SLX4IP: variants seen among roughly 807,000 people sequenced by gnomAD.
The protein encoded by SLX4IP is SLX4 interacting protein, also known as protein SLX4IP.
In SLX4IP, 34 loss-of-function variants were observed where a neutral mutation model predicts 32.9. The ratio of observed to expected loss-of-function variants is 1.03; its 90% CI spans 0.79 to 1.38. SLX4IP has a LOEUF of 1.38. SLX4IP is among the 40% of genes most tolerant of loss of function. SLX4IP has a pLI of 0.00. For missense variants in SLX4IP, 444 were observed against 479.0 expected, an observed-to-expected ratio of 0.93 and a Z score of 0.68; for synonymous variants, 172 against 171.7, an observed-to-expected ratio of 1.00 and a Z score of -0.01.
intron 1 of SLX4IP, among the ~76,000 whole-genome samples, chr20:10,443,046 A>T (rs2065171425): frequency 6.6e-6 from 1 of 152,170 alleles, no homozygotes; most frequent in African/African-American, 2.4e-5. Flanking sequence ...TCTTCTGGGT[A>T]TGTGTTTATA....
intron 1 of SLX4IP, among the ~76,000 whole-genome samples, chr20:10,437,452 A>G (rs2065124704): frequency 6.6e-6 from 1 of 152,224 alleles, no homozygotes; most frequent in African/African-American, 2.4e-5. Context: ...ATGAGAAAAC[A>G]GAAACAACTT....
intron 2 of SLX4IP, among the ~76,000 whole-genome samples, chr20:10,470,086 C>G (rs1228931173): frequency 6.6e-6 from 1 of 152,156 alleles, no homozygotes; most frequent in Non-Finnish European, 1.5e-5. Context: ...CCTCTTTGTC[C>G]TTTGAAAGCT....
At chr20:10,535,057 G>T (rs888683992) in intron 2 of SLX4IP, among the ~76,000 whole-genome samples, 6 of 152,128 alleles carry the variant, frequency 3.9e-5, no homozygotes, top group South Asian at 2.1e-4. Flanking sequence ...GGGTGTGGAG[G>T]CAGGGCATGG....
intron 6 of SLX4IP, among the ~76,000 whole-genome samples, chr20:10,603,874 A>G (rs1326176622): frequency 6.6e-6 from 1 of 152,122 alleles, no homozygotes; most frequent in Non-Finnish European, 1.5e-5. Flanking sequence ...CATCAAGCCA[A>G]CTACACCATC....
At chr20:10,587,639 C>T (rs192282880) in intron 4 of SLX4IP, among the ~76,000 whole-genome samples, 21 of 152,076 alleles carry the variant, frequency 1.4e-4, no homozygotes, top group Admixed American at 3.3e-4. Flanking sequence ...ATAGCACTGG[C>T]GTAAAAATGG....
intron 4 of SLX4IP, among the ~76,000 whole-genome samples, chr20:10,587,570 AAAAT>A (rs1473254622): frequency 6.6e-6 from 1 of 152,124 alleles, no homozygotes; most frequent in Non-Finnish European, 1.5e-5. Context: ...AGAAAAATCT[AAAAT>A]AAATATACAT....
Position 10,622,896 on chromosome 20 carries a change from A to G in SLX4IP, c.744A>G (p.Pro248=), listed in dbSNP as rs757642121. ...QKLEKVNQTQ[P]EDTSGQQKPH... ...TGGAAAAAGTTAATCAGACCCAGCC[A>G]GAAGACACTAGTGGCCAGCAAAAAC... Residue 248 remains proline, a synonymous_variant, in exon 8 of 8, where the codon CCA becomes CCG. Coordinates refer to ENST00000334534, the MANE Select transcript of SLX4IP (RefSeq NM_001009608.3). The G allele has an allele frequency of 1.2e-5, 19 of 1,614,032 alleles. No individual in the cohort carries two copies. The highest frequency in any genetic ancestry group is 6.7e-5 in the Admixed American group (4 of 60,004).
chr20:10,463,856 A>T (rs574760139), intron 2 of SLX4IP, among the ~76,000 whole-genome samples: 91 of 152,214 alleles, frequency 6.0e-4, no homozygotes, highest in Middle Eastern at 3.4e-3. Flanking sequence ...GTCATAACTC[A>T]CTGCGGCCTT....
In SLX4IP at chr20:10,514,730, T is replaced by C. The variant is rs547506874; in HGVS notation, c.28-41501T>C. Among the ~76,000 whole-genome samples the C allele has an allele frequency of 4.3e-4, 65 of 152,324 alleles. No individual in the cohort carries two copies. The Middle Eastern group carries it at 0.014, about 32-fold the overall frequency. The stretch of plus-strand genomic sequence containing the variant: ...TGAGCTTCATAAGCCTAGGAGCAAG[T>C]AGCATATTGTGAAAGTAGTTTTTAT... On this transcript the variant is annotated intron_variant, in intron 2 of 7. Coordinates refer to ENST00000334534, the MANE Select transcript of SLX4IP (RefSeq NM_001009608.3).
chr20:10,591,153 C>T (rs2066704808), intron 4 of SLX4IP, among the ~76,000 whole-genome samples: 1 of 152,172 alleles, frequency 6.6e-6, no homozygotes, highest in African/African-American at 2.4e-5. Flanking sequence ...TGTCTTACCC[C>T]TCAGGCATTA....
chr20:10,472,074 G>A lies in SLX4IP; in HGVS notation c.27+13843G>A, dbSNP rs185661540. ...ACTGCCTCTTGATGGAAGGAGCAGC[G>A]TACCTCCAGAGGAGGGAAGGGATTG... On this transcript the variant is annotated intron_variant, in intron 2 of 7. Coordinates refer to ENST00000334534, the MANE Select transcript of SLX4IP (RefSeq NM_001009608.3). 3.7e-3 allele frequency among the ~76,000 whole-genome samples: 564 copies of A among 152,246 alleles called. 12 individuals carry two copies. Among genetic ancestry groups the A allele is most frequent in the Admixed American group, 0.03 (462 of 15,298 alleles).
At chr20:10,493,281 A>G (rs1353399205) in intron 2 of SLX4IP, among the ~76,000 whole-genome samples, 2 of 152,180 alleles carry the variant, frequency 1.3e-5, no homozygotes, top group African/African-American at 4.8e-5. Context: ...TTGTCTTTGA[A>G]CTAGGTCCAT....
At chr20:10,509,128 G>A (rs758791833) in intron 2 of SLX4IP, among the ~76,000 whole-genome samples, 2 of 152,194 alleles carry the variant, frequency 1.3e-5, no homozygotes, top group Non-Finnish European at 2.9e-5. Flanking sequence ...TACCCACAAC[G>A]TCTGACCTAG....
At position 10,436,419 on chromosome 20, in the gene SLX4IP, C is replaced by T. The variant is rs139985624; in HGVS notation, c.-30+966C>T. On this transcript the variant is annotated intron_variant, in intron 1 of 7. Coordinates refer to ENST00000334534, the MANE Select transcript of SLX4IP (RefSeq NM_001009608.3). ...TTGCCCAGGTTGGAGTGCAGTGGCG[C>T]GATCTTGGCTCACTGCCATCTCCGC... is the stretch of plus-strand genomic sequence containing the variant. Among the ~76,000 whole-genome samples the T allele has an allele frequency of 4.4e-3, 672 of 151,940 alleles. 7 individuals are homozygous for T. Among genetic ancestry groups the T allele is most frequent in the African/African-American group, 0.015 (637 of 41,402 alleles).
At chr20:10,555,949 C>T (rs1010908575) in intron 2 of SLX4IP, among the ~76,000 whole-genome samples, 4 of 152,212 alleles carry the variant, frequency 2.6e-5, no homozygotes, top group Admixed American at 6.5e-5. Context: ...TGCCGGGATG[C>T]TTGGACATCC....
chr20:10,621,034 G>T (rs1226805684), intron 6 of SLX4IP, among the ~76,000 whole-genome samples: 3 of 152,276 alleles, frequency 2.0e-5, no homozygotes, highest in Admixed American at 6.5e-5. Context: ...CCAGATATTG[G>T]CCAAGAGTTC....
chr20:10,550,080 C>T (rs903120875), intron 2 of SLX4IP, among the ~76,000 whole-genome samples: 4 of 152,164 alleles, frequency 2.6e-5, no homozygotes, highest in African/African-American at 9.7e-5. Flanking sequence ...TGAATTCCTT[C>T]TCATCTTCTT....
chr20:10,542,275 GT>G (rs1397643596), intron 2 of SLX4IP, among the ~76,000 whole-genome samples: 1 of 152,148 alleles, frequency 6.6e-6, no homozygotes, highest in Non-Finnish European at 1.5e-5. Context: ...ATCACTTCCT[GT>G]TTGAAAAGTC....
intron 2 of SLX4IP, among the ~76,000 whole-genome samples, chr20:10,550,187 C>T (rs1400062600): frequency 1.3e-5 from 2 of 152,178 alleles, no homozygotes; most frequent in African/African-American, 2.4e-5. Flanking sequence ...TTCGTGCAGG[C>T]CTATCATCGG....
Sources: allele counts gnomAD v4.1 joint callset (sites outside exome capture counted in the v4.1 genomes callset), GRCh38; gene constraint gnomAD v4.1.1; transcripts MANE v1.5; gene names NCBI Gene and HGNC (gene_info 2026-07-23, HGNC 2026-07-21).